Variants in XPR1 observed in about 807,000 individuals in gnomAD.
XPR1 encodes the protein xenotropic and polytropic retrovirus receptor 1, also known as solute carrier family 53 member 1.
In XPR1, 28 loss-of-function variants were observed where a neutral mutation model predicts 87.5. The ratio of observed to expected loss-of-function variants is 0.32; its 90% CI spans 0.24 to 0.44. The LOEUF (loss-of-function observed/expected upper bound fraction) is 0.44. XPR1 is among the 20% of genes least tolerant of loss of function. The pLI is 1.00. For synonymous variants in XPR1, 300 were observed against 306.1 expected (o/e 0.98, Z 0.21); for missense variants, 559 against 862.3 (o/e 0.65, Z 4.41).
At position 180,741,651 on chromosome 1, in the gene XPR1, T is replaced by C. The variant is rs896361145; in HGVS notation, c.122-46102T>C. 3.3e-5 allele frequency among the ~76,000 whole-genome samples: 5 copies of C among 151,908 alleles called. No individual in the cohort carries two copies. The South Asian group carries it at 8.3e-4, about 25-fold the overall frequency. On this transcript the variant is annotated intron_variant, in intron 2 of 14. Transcript: ENST00000367590. ...ACAGGTATGCGCCACCATGCCCAGCTAATTTTTGTATTTTTAGTAGAGATG... is the reference window on the plus strand; with the variant it reads ...ACAGGTATGCGCCACCATGCCCAGCCAATTTTTGTATTTTTAGTAGAGATG...
At chr1:180,762,170 T>A (rs1245414885) in intron 2 of XPR1, among the ~76,000 whole-genome samples, 1 of 151,400 alleles carries the variant, frequency 6.6e-6, no homozygotes, top group East Asian at 1.9e-4. Context: ...TACCTAATGC[T>A]GAATGATGAG....
At chr1:180,825,042 G>T in intron 8 of XPR1, 99 bp downstream of exon 8, 1 of 1,496,302 alleles carries the variant, frequency 6.7e-7, no homozygotes, top group East Asian at 2.3e-5. Flanking sequence ...TACTTGAAGA[G>T]GATTATTAGC....
intron 11 of XPR1, among the ~76,000 whole-genome samples, chr1:180,845,710 C>T (rs1262725100): frequency 6.6e-6 from 1 of 152,106 alleles, no homozygotes; most frequent in African/African-American, 2.4e-5. Flanking sequence ...TTTTTAGATA[C>T]AGGGTCTCAC....
chr1:180,811,508 A>C lies in XPR1; in HGVS notation c.763+20A>C, dbSNP rs372391148. The C allele has an allele frequency of 6.3e-6, 10 of 1,591,150 alleles. No individual in the cohort carries two copies. The highest frequency in any genetic ancestry group is 8.6e-6 in the Non-Finnish European group (10 of 1,160,946). On this transcript the variant is annotated intron_variant, in intron 7 of 14. Coordinates refer to ENST00000367590, the MANE Select transcript of XPR1 (RefSeq NM_004736.4). ...TTGCCGGTAAGTAGTTTAAATTTTG[A>C]ATTAATTTATTCTTACCAATATGCC...
intron 11 of XPR1, among the ~76,000 whole-genome samples, chr1:180,855,685 G>A (rs925209568): frequency 2.0e-5 from 3 of 150,872 alleles, no homozygotes; most frequent in African/African-American, 2.4e-5. Context: ...AAAGTGGGGG[G>A]AGGGGGGACG....
At chr1:180,840,941 A>G (rs1651490828) in intron 11 of XPR1, among the ~76,000 whole-genome samples, 1 of 152,150 alleles carries the variant, frequency 6.6e-6, no homozygotes, top group Non-Finnish European at 1.5e-5. Flanking sequence ...ATGCCGTGCT[A>G]AGCACTAAAA....
intron 2 of XPR1, among the ~76,000 whole-genome samples, chr1:180,785,494 T>TA (rs1339307958): frequency 2.0e-5 from 3 of 152,074 alleles, no homozygotes; most frequent in African/African-American, 7.2e-5. Flanking sequence ...AATAAATTCT[T>TA]AGGAGACTGA....
At chr1:180,825,101 A>G in intron 8 of XPR1, 64 bp from the exon 9 acceptor site, 1 of 1,527,230 alleles carries the variant, frequency 6.5e-7, no homozygotes, top group Non-Finnish European at 8.8e-7. Flanking sequence ...AGATATTTTA[A>G]GTAATGGTAA....
intron 1 of XPR1, among the ~76,000 whole-genome samples, chr1:180,664,573 T>G (rs534365745): frequency 2.0e-5 from 3 of 152,252 alleles, no homozygotes; most frequent in African/African-American, 7.2e-5. Context: ...AGGAAGGGGT[T>G]TCTTTTGGAG....
intron 2 of XPR1, among the ~76,000 whole-genome samples, chr1:180,696,202 G>GTATATATATA (rs1483808394): frequency 5.0e-4 from 53 of 106,320 alleles, no homozygotes; most frequent in Non-Finnish European, 6.5e-4. Context: ...GTGTGTGTGT[G>GTATATATATA]TGTGTGTATA....
intron 11 of XPR1, among the ~76,000 whole-genome samples, chr1:180,846,483 C>A (rs189773229): frequency 5.3e-5 from 8 of 151,020 alleles, no homozygotes; most frequent in Admixed American, 5.3e-4. Flanking sequence ...GCTGTGTCAC[C>A]CATCCTGGAG....
chr1:180,732,783 T>C (rs1282739458), intron 2 of XPR1, among the ~76,000 whole-genome samples: 1 of 152,240 alleles, frequency 6.6e-6, no homozygotes, highest in Non-Finnish European at 1.5e-5. Flanking sequence ...CTTTACCTTG[T>C]CGCAAGGACA....
At chr1:180,725,433 A>G (rs1354497848) in intron 2 of XPR1, among the ~76,000 whole-genome samples, 1 of 152,152 alleles carries the variant, frequency 6.6e-6, no homozygotes, top group Non-Finnish European at 1.5e-5. Context: ...ACACTATTGC[A>G]CTATCACCCT....
intron 1 of XPR1, among the ~76,000 whole-genome samples, chr1:180,644,986 C>T (rs1039164562): frequency 2.6e-5 from 4 of 151,990 alleles, no homozygotes; most frequent in African/African-American, 9.7e-5. Flanking sequence ...GTTTTGGTTG[C>T]TGTCATTGCA....
intron 2 of XPR1, among the ~76,000 whole-genome samples, chr1:180,746,665 G>A (rs1319795077): frequency 6.6e-6 from 1 of 151,922 alleles, no homozygotes; most frequent in African/African-American, 2.4e-5. Flanking sequence ...TCTACTTTTC[G>A]TTCTTTGAGA....
At chr1:180,760,607 A>G (rs1207826743) in intron 2 of XPR1, among the ~76,000 whole-genome samples, 2 of 152,340 alleles carry the variant, frequency 1.3e-5, no homozygotes, top group Non-Finnish European at 2.9e-5. Context: ...GCTCAATCAA[A>G]TAAAAGAGGA....
chr1:180,653,589 A>G (rs1312591752), intron 1 of XPR1, among the ~76,000 whole-genome samples: 1 of 152,160 alleles, frequency 6.6e-6, no homozygotes, highest in African/African-American at 2.4e-5. Flanking sequence ...ACCATGGATA[A>G]TACTGAACTC....
chr1:180,683,689 T>A (rs2101946480), intron 2 of XPR1, among the ~76,000 whole-genome samples: 1 of 152,314 alleles, frequency 6.6e-6, no homozygotes, highest in East Asian at 1.9e-4. Flanking sequence ...CCCATTGTGG[T>A]TTTGATTTGC....
chr1:180,749,299 A>G (rs1178310432), intron 2 of XPR1, among the ~76,000 whole-genome samples: 1 of 152,270 alleles, frequency 6.6e-6, no homozygotes. Flanking sequence ...TGTGAATAGC[A>G]CAAAACATTG....
Sources: gnomAD v4.1 joint callset for allele counts (sites outside exome capture counted in the v4.1 genomes callset) on GRCh38, gnomAD v4.1.1 for gene constraint, MANE v1.5 for transcripts, NCBI Gene and HGNC (gene_info 2026-07-23, HGNC 2026-07-21) for gene names.